Variants in HTR2C observed in about 807,000 individuals in gnomAD.
HTR2C encodes 5-hydroxytryptamine receptor 2C, also known as 5-hydroxytryptamine (serotonin) receptor 2C, G protein-coupled.
Under a neutral mutation model 21.0 loss-of-function variants are expected in HTR2C, and 5 were observed. The observed-to-expected ratio is 0.24, with a 90% CI of 0.12 to 0.50. The LOEUF (loss-of-function observed/expected upper bound fraction) is 0.50. Among genes scored for constraint, HTR2C ranks in the 20% least tolerant of loss-of-function variants. The pLI is 0.98. For synonymous variants in HTR2C, 150 were observed against 145.3 expected, an observed-to-expected ratio of 1.03 and a Z score of -0.23; for missense variants, 271 against 371.2, an observed-to-expected ratio of 0.73 and a Z score of 2.22.
chrX:114,776,509 A>G (rs782430968), intron 4 of HTR2C: 2 of 547,191 alleles, frequency 3.7e-6, no homozygotes, highest in Non-Finnish European at 6.7e-6. Context: ...TGAAGGGCCA[A>G]TGCTTCATAT....
At chrX:114,905,906 C>T (rs2071368569) in intron 5 of HTR2C, among the ~76,000 whole-genome samples, 1 of 111,239 alleles carries the variant, frequency 9.0e-6, no homozygotes, top group African/African-American at 3.3e-5. Context: ...CTCAAAATTC[C>T]ACACAGAAAC....
intron 2 of HTR2C, among the ~76,000 whole-genome samples, chrX:114,686,813 T>G (rs1931932154): frequency 9.0e-6 from 1 of 111,224 alleles, no homozygotes; most frequent in Non-Finnish European, 1.9e-5. Flanking sequence ...ATCCTCACCT[T>G]AAATAAAAAT....
At chrX:114,760,148 A>T (rs2069851469) in intron 4 of HTR2C, among the ~76,000 whole-genome samples, 1 of 111,711 alleles carries the variant, frequency 9.0e-6, no homozygotes, top group African/African-American at 3.3e-5. Context: ...AGGCAAAAAG[A>T]AATGTTAACT....
intron 4 of HTR2C, among the ~76,000 whole-genome samples, chrX:114,758,071 A>G (rs1602751100): frequency 9.0e-6 from 1 of 111,516 alleles, no homozygotes; most frequent in African/African-American, 3.3e-5. Context: ...TCTAAGTTTT[A>G]ATAATGACCA....
At chrX:114,777,704 C>T (rs903655946) in intron 4 of HTR2C, among the ~76,000 whole-genome samples, 8 of 111,110 alleles carry the variant, frequency 7.2e-5, no homozygotes, top group Admixed American at 3.8e-4. Flanking sequence ...ATTACAGGCA[C>T]GCACCACCAC....
At chrX:114,739,907 A>G (rs1361045550) in intron 4 of HTR2C, among the ~76,000 whole-genome samples, 1 of 110,302 alleles carries the variant, frequency 9.1e-6, no homozygotes, top group African/African-American at 3.3e-5. Context: ...GGAGTTTGAG[A>G]ACAGTCTGGG....
At chrX:114,694,452 T>C (rs1932207166) in intron 2 of HTR2C, among the ~76,000 whole-genome samples, 4 of 2,459 alleles carry the variant, frequency 1.6e-3, no homozygotes, top group African/African-American at 3.3e-3. Flanking sequence ...TATATATATA[T>C]ATATATATAT....
chrX:114,678,002 A>G (rs782213962), intron 2 of HTR2C, among the ~76,000 whole-genome samples: 2 of 110,193 alleles, frequency 1.8e-5, no homozygotes, highest in Admixed American at 2.0e-4. Flanking sequence ...AAGATCGTTC[A>G]GTACTGCTTT....
intron 2 of HTR2C, among the ~76,000 whole-genome samples, chrX:114,641,733 C>A (rs782529202): frequency 9.0e-6 from 1 of 111,633 alleles, no homozygotes; most frequent in East Asian, 2.8e-4. Flanking sequence ...GATGTTATGC[C>A]ATTTTATTTT....
chrX:114,801,457 C>T (rs782593453), intron 4 of HTR2C, among the ~76,000 whole-genome samples: 1 of 110,880 alleles, frequency 9.0e-6, no homozygotes, highest in African/African-American at 3.3e-5. Context: ...TGCCTATTAA[C>T]GTGGTGTACT....
At chrX:114,588,225 G>A (rs1405004125) in intron 1 of HTR2C, among the ~76,000 whole-genome samples, 7 of 111,840 alleles carry the variant, frequency 6.3e-5, no homozygotes, top group South Asian at 3.7e-4. Context: ...AGAAGCACTC[G>A]AAAGGCCTTC....
chrX:114,861,909 TA>T (rs1381366376), intron 5 of HTR2C, among the ~76,000 whole-genome samples: 2 of 111,846 alleles, frequency 1.8e-5, no homozygotes, highest in African/African-American at 3.2e-5. Context: ...GGTTTGCAAA[TA>T]TTTTTTTCTC....
intron 2 of HTR2C, among the ~76,000 whole-genome samples, chrX:114,703,039 G>A (rs1465827818): frequency 4.4e-5 from 4 of 91,691 alleles, no homozygotes; most frequent in Non-Finnish European, 8.7e-5. Context: ...ACCCAATACA[G>A]GAGCACCCGG....
intron 1 of HTR2C, among the ~76,000 whole-genome samples, chrX:114,606,105 GGTT>G (rs1928413024): frequency 9.0e-6 from 1 of 110,512 alleles, no homozygotes; most frequent in Admixed American, 9.6e-5. Flanking sequence ...AGAGATAAGA[GGTT>G]GGGGCATGGA....
At chrX:114,740,225 C>T (rs1556425106) in intron 4 of HTR2C, among the ~76,000 whole-genome samples, 2 of 108,735 alleles carry the variant, frequency 1.8e-5, no homozygotes, top group African/African-American at 6.7e-5. Flanking sequence ...TATGTTTAAT[C>T]TCAATCATTA....
intron 2 of HTR2C, among the ~76,000 whole-genome samples, chrX:114,695,808 C>A (rs1932261939): frequency 9.0e-6 from 1 of 111,602 alleles, no homozygotes; most frequent in Non-Finnish European, 1.9e-5. Context: ...TCACCCTGAC[C>A]CTCCAAACTC....
chrX:114,773,072 A>C (rs1179262279), intron 4 of HTR2C, among the ~76,000 whole-genome samples: 2 of 111,753 alleles, frequency 1.8e-5, no homozygotes, highest in African/African-American at 6.5e-5. Flanking sequence ...GATTTTTCTA[A>C]GACCTTTCTT....
At position 114,750,310 on chromosome X, in the gene HTR2C, A is replaced by G. The variant is rs148832522; in HGVS notation, c.349+18703A>G. ...AATTTTTTTCCGGCTTTCTTTTCCC[A>G]TCCTGTTATCCTGTCATTGTATGTG... On this transcript the variant is annotated intron_variant, in intron 4 of 5. Transcript: ENST00000276198. 1.8e-3 allele frequency among the ~76,000 whole-genome samples: 200 copies of G among 111,923 alleles called. 1 individual carries two copies. The highest frequency in any genetic ancestry group is 6.1e-3 in the African/African-American group (189 of 30,854).
intron 4 of HTR2C, among the ~76,000 whole-genome samples, chrX:114,734,535 A>G (rs1284381879): frequency 9.9e-6 from 1 of 101,436 alleles, no homozygotes; most frequent in Non-Finnish European, 2.0e-5. Flanking sequence ...AAAATTTACA[A>G]GAGCAAGAGT....
Sources: gnomAD v4.1 joint callset for allele counts (sites outside exome capture counted in the v4.1 genomes callset) on GRCh38, gnomAD v4.1.1 for gene constraint, MANE v1.5 for transcripts, NCBI Gene and HGNC (gene_info 2026-07-23, HGNC 2026-07-21) for gene names.